Variants in BABAM2 observed in about 807,000 individuals in gnomAD.
BABAM2 encodes the protein BRISC and BRCA1 A complex member 2.
A neutral mutation model predicts 54.7 loss-of-function variants in BABAM2; 31 were observed. The ratio of observed to expected loss-of-function variants is 0.57; its 90% CI spans 0.43 to 0.77. The LOEUF is 0.77. Ranked by LOEUF, BABAM2 falls within the 30% of genes least tolerant of loss-of-function variation. The pLI, the probability that BABAM2 is intolerant of heterozygous loss-of-function variation, is 0.00. For missense variants in BABAM2, 364 were observed against 455.8 expected (o/e 0.80, Z 1.83); for synonymous variants, 167 against 162.9 (o/e 1.03, Z -0.19).
intron 4 of BABAM2, among the ~76,000 whole-genome samples, chr2:28,008,433 T>C (rs1674131323): frequency 1.3e-5 from 2 of 152,082 alleles, no homozygotes; most frequent in South Asian, 4.1e-4. Context: ...GTAACACAAA[T>C]GAATGAAAAA....
chr2:28,083,492 C>T (rs1398044623), intron 6 of BABAM2, among the ~76,000 whole-genome samples: 3 of 152,148 alleles, frequency 2.0e-5, no homozygotes, highest in African/African-American at 7.2e-5. Flanking sequence ...TATGGCTTAA[C>T]AGTAGTTATC....
At chr2:27,960,816 C>T (rs1343640848) in intron 3 of BABAM2, among the ~76,000 whole-genome samples, 1 of 152,122 alleles carries the variant, frequency 6.6e-6, no homozygotes, top group Non-Finnish European at 1.5e-5. Context: ...TTCCACTTCA[C>T]ATGTTAGGAA....
At chr2:28,003,454 G>C (rs1673719430) in intron 4 of BABAM2, among the ~76,000 whole-genome samples, 1 of 152,154 alleles carries the variant, frequency 6.6e-6, no homozygotes, top group Admixed American at 6.5e-5. Context: ...AGCCAGGCAT[G>C]GTGGTGCGCA....
intron 4 of BABAM2, among the ~76,000 whole-genome samples, chr2:27,997,981 C>T (rs1291989710): frequency 2.0e-5 from 3 of 152,046 alleles, no homozygotes; most frequent in Non-Finnish European, 4.4e-5. Flanking sequence ...GGTGAAACCC[C>T]GTCTCTACTA....
chr2:27,957,940 G>T (rs1320038190), intron 3 of BABAM2, among the ~76,000 whole-genome samples: 2 of 152,198 alleles, frequency 1.3e-5, no homozygotes, highest in Non-Finnish European at 2.9e-5. Context: ...AGGTTGCCAT[G>T]CTGTCAGGTA....
chr2:27,914,382 A>G (rs1454724186), intron 2 of BABAM2, among the ~76,000 whole-genome samples: 2 of 152,194 alleles, frequency 1.3e-5, no homozygotes, highest in African/African-American at 4.8e-5. Flanking sequence ...CATGTTTGAT[A>G]GTTCTTTCTT....
intron 7 of BABAM2, among the ~76,000 whole-genome samples, chr2:28,203,282 G>A (rs532658018): frequency 6.6e-6 from 1 of 152,160 alleles, no homozygotes; most frequent in Non-Finnish European, 1.5e-5. Flanking sequence ...TTCTCTAGTA[G>A]TTAGAAAACT....
intron 6 of BABAM2, among the ~76,000 whole-genome samples, chr2:28,109,766 C>G (rs1558343994): frequency 6.6e-6 from 1 of 152,132 alleles, no homozygotes; most frequent in African/African-American, 2.4e-5. Flanking sequence ...TGAGAAGTAC[C>G]TTGTTGTACT....
At chr2:28,016,481 A>AGCACCATGGGCAAG in intron 4 of BABAM2, 7 of 1,164,062 alleles carry the variant, frequency 6.0e-6, no homozygotes, top group South Asian at 1.2e-5. Context: ...CCACTTGCCC[A>AGCACCATGGGCAAG]TGGTGCTGGG....
At chr2:27,954,248 G>A (rs912582649) in intron 3 of BABAM2, among the ~76,000 whole-genome samples, 11 of 152,166 alleles carry the variant, frequency 7.2e-5, no homozygotes, top group African/African-American at 2.7e-4. Context: ...CAATAGGGGC[G>A]GCAAATTTAG....
chr2:28,043,149 G>C (rs1326135405), intron 5 of BABAM2, among the ~76,000 whole-genome samples: 1 of 144,458 alleles, frequency 6.9e-6, no homozygotes, highest in Admixed American at 6.9e-5. Context: ...TTTTTTTTTA[G>C]ACGGAGTCTT....
At position 28,178,040 on chromosome 2, in the gene BABAM2, A is replaced by C. The variant is rs142018495; in HGVS notation, c.680+48660A>C. On this transcript the variant is annotated intron_variant, in intron 7 of 11. Transcript: ENST00000379624. ...TAAAGGGAGAGATAGACTCCAATAC[A>C]ATAATAGTTGGAGACTTCAACATCC... Among the ~76,000 whole-genome samples the C allele has an allele frequency of 1.5e-3, 229 of 152,298 alleles. 3 individuals carry two copies. Among genetic ancestry groups the C allele is most frequent in the African/African-American group, 5.1e-3 (214 of 41,574 alleles).
At chr2:27,918,146 C>T (rs1265462127) in intron 2 of BABAM2, among the ~76,000 whole-genome samples, 1 of 152,118 alleles carries the variant, frequency 6.6e-6, no homozygotes, top group African/African-American at 2.4e-5. Context: ...TTTAAGCATA[C>T]AGTTCTGTGG....
At position 28,091,420 on chromosome 2, in the gene BABAM2, G is replaced by C. The variant is rs1206605429; in HGVS notation, c.571-37851G>C. On this transcript the variant is annotated intron_variant, in intron 6 of 11. Coordinates refer to ENST00000379624, the MANE Select transcript of BABAM2 (RefSeq NM_199191.3). The stretch of plus-strand genomic sequence containing the variant: ...TTTATTATTATAGGGTTGGGAAGGA[G>C]TAGTTCCATCTCTGCCTGTGATATC... 6.6e-5 allele frequency among the ~76,000 whole-genome samples: 10 copies of C among 152,194 alleles called. No homozygotes were observed. In the East Asian group the frequency reaches 1.5e-3, roughly 23 times the overall value.
In BABAM2 at chr2:28,306,970, A is replaced by G. The variant is rs1688589347; in HGVS notation, c.1088+8479A>G. Among the ~76,000 whole-genome samples, 2 of 130,944 alleles carry G rather than the reference A, an allele frequency of 1.5e-5. 1 individual carries two copies. The allele number at this position is 130,944 out of a possible 152,430, so 85.9% of individuals were successfully genotyped here. A position where few individuals can be genotyped will look rare whatever the true frequency, so the allele number is the denominator to read the frequency against. ...CTTGGCCCCCCAAAGTGCTGGGATT[A>G]CAGGCATGAGCCACCACACCTGGCC... On this transcript the variant is annotated intron_variant, in intron 11 of 11. Coordinates refer to ENST00000379624, the MANE Select transcript of BABAM2 (RefSeq NM_199191.3).
chr2:28,155,071 C>G (rs1397283978), intron 7 of BABAM2, among the ~76,000 whole-genome samples: 1 of 152,064 alleles, frequency 6.6e-6, no homozygotes, highest in Non-Finnish European at 1.5e-5. Context: ...AGTAACTTAA[C>G]ATTACAGAAA....
intron 6 of BABAM2, among the ~76,000 whole-genome samples, chr2:28,098,622 A>G (rs1291810453): frequency 6.6e-6 from 1 of 152,232 alleles, no homozygotes; most frequent in African/African-American, 2.4e-5. Context: ...AAATAAAGGA[A>G]TCAGCTTACT....
rs1030998662 is a variant in BABAM2 at position 28,322,480 on chromosome 2, G to A, written c.1089-15970G>A. Reference sequence around the variant, plus strand: ...TCTTAGAGGCGCCTTTGAGCAACGCGCTCTCAAGGTGTTCCAGCAGGGTGA... The same window carrying A: ...TCTTAGAGGCGCCTTTGAGCAACGCACTCTCAAGGTGTTCCAGCAGGGTGA... On this transcript the variant is annotated intron_variant, in intron 11 of 11. Coordinates refer to ENST00000379624, the MANE Select transcript of BABAM2 (RefSeq NM_199191.3). The surrounding 1 kb of genome is among the most constrained non-coding windows in gnomAD (Gnocchi z 4.1). Among the ~76,000 whole-genome samples the A allele has an allele frequency of 3.9e-5, 6 of 152,216 alleles. No homozygotes were observed. Among genetic ancestry groups the A allele is most frequent in the African/African-American group, 9.6e-5 (4 of 41,458 alleles).
chr2:28,005,292 C>G (rs1673877651), intron 4 of BABAM2, among the ~76,000 whole-genome samples: 5 of 152,126 alleles, frequency 3.3e-5, no homozygotes, highest in Non-Finnish European at 2.9e-5. Context: ...TAGTGATTGT[C>G]AACCTTTTAA....
Sources: allele counts gnomAD v4.1 joint callset (sites outside exome capture counted in the v4.1 genomes callset), GRCh38; gene constraint gnomAD v4.1.1; non-coding constraint Gnocchi (gnomAD v3.1); transcripts MANE v1.5; gene names NCBI Gene and HGNC (gene_info 2026-07-23, HGNC 2026-07-21).